The following ARB2A variants were observed in gnomAD, a reference collection of about 807,000 sequenced individuals.
The protein encoded by ARB2A is cotranscriptional regulator ARB2A.
the ARB2A span, among the ~76,000 whole-genome samples, chr5:93,729,260 G>T: frequency 6.6e-6 from 1 of 151,944 alleles, no homozygotes; most frequent in Non-Finnish European, 1.5e-5. Context: ...AACACTGGCC[G>T]CTTGGTGATG....
At chr5:94,060,458 C>G in the ARB2A span, among the ~76,000 whole-genome samples, 1 of 152,114 alleles carries the variant, frequency 6.6e-6, no homozygotes, top group African/African-American at 2.4e-5. Flanking sequence ...TACTAAAACT[C>G]ATCCTATATA....
the ARB2A span, among the ~76,000 whole-genome samples, chr5:93,698,843 T>A: frequency 6.6e-6 from 1 of 152,136 alleles, no homozygotes; most frequent in Non-Finnish European, 1.5e-5. Flanking sequence ...CAGTTTATTG[T>A]AGGTAGGAGA....
the ARB2A span, among the ~76,000 whole-genome samples, chr5:93,940,667 C>T: frequency 6.6e-6 from 1 of 152,068 alleles, no homozygotes; most frequent in East Asian, 1.9e-4. Flanking sequence ...CTATTATTTA[C>T]TCTTAAGTTC....
At chr5:93,664,630 C>CAAAA in the ARB2A span, among the ~76,000 whole-genome samples, 1 of 142,068 alleles carries the variant, frequency 7.0e-6, no homozygotes, top group African/African-American at 2.7e-5. Flanking sequence ...GACTTCGTCT[C>CAAAA]AAAAATATAT....
chr5:93,624,113 G>A, the ARB2A span, among the ~76,000 whole-genome samples: 3 of 152,220 alleles, frequency 2.0e-5, no homozygotes, highest in Admixed American at 6.5e-5. Flanking sequence ...GGGACATTAA[G>A]TGGGATGCTT....
At chr5:93,843,808 A>C in the ARB2A span, among the ~76,000 whole-genome samples, 1 of 152,176 alleles carries the variant, frequency 6.6e-6, no homozygotes, top group African/African-American at 2.4e-5. Context: ...AAAAGTAATA[A>C]ACCAGGTAAG....
the ARB2A span, among the ~76,000 whole-genome samples, chr5:94,011,551 A>C: frequency 6.6e-6 from 1 of 152,200 alleles, no homozygotes; most frequent in South Asian, 2.1e-4. Context: ...CAAAGGAAAG[A>C]AGCCTGGACT....
chr5:93,906,180 T>G, the ARB2A span, among the ~76,000 whole-genome samples: 1 of 151,526 alleles, frequency 6.6e-6, no homozygotes, highest in Non-Finnish European at 1.5e-5. Context: ...ATCAAAAACA[T>G]AGATTACAAA....
the ARB2A span, chr5:93,733,648 C>T: frequency 1.3e-5 from 2 of 152,104 alleles, no homozygotes; most frequent in African/African-American, 4.8e-5. Context: ...TATTTGTTTA[C>T]GTTATTTTGC....
At chr5:93,741,042 G>A in the ARB2A span, 12 of 1,613,802 alleles carry the variant, frequency 7.4e-6, no homozygotes, top group East Asian at 2.2e-5. Context: ...ACATGTTGGC[G>A]ACGCTTAGCT....
the ARB2A span, among the ~76,000 whole-genome samples, chr5:93,873,089 T>A: frequency 6.6e-6 from 1 of 151,846 alleles, no homozygotes; most frequent in African/African-American, 2.4e-5. Flanking sequence ...TCTTCATAGG[T>A]TCATGTAAAC....
chr5:93,681,698 A>G, the ARB2A span, among the ~76,000 whole-genome samples: 3 of 152,144 alleles, frequency 2.0e-5, no homozygotes, highest in Non-Finnish European at 4.4e-5. Flanking sequence ...GCTACATTGC[A>G]TAAGTTCACC....
chr5:93,958,602 G>A, the ARB2A span, among the ~76,000 whole-genome samples: 1 of 151,962 alleles, frequency 6.6e-6, no homozygotes, highest in Admixed American at 6.6e-5. Context: ...ATGCCACTTT[G>A]TGTTTCTTTG....
At chr5:93,807,821 GA>G in the ARB2A span, among the ~76,000 whole-genome samples, 11 of 151,372 alleles carry the variant, frequency 7.3e-5, no homozygotes, top group South Asian at 6.2e-4. Flanking sequence ...AAATTAGGGG[GA>G]AAAAAAAGCA....
At chr5:93,760,892 A>G in the ARB2A span, among the ~76,000 whole-genome samples, 1 of 152,340 alleles carries the variant, frequency 6.6e-6, no homozygotes, top group African/African-American at 2.4e-5. Flanking sequence ...AAAAACAAAG[A>G]TAGATACTGG....
the ARB2A span, among the ~76,000 whole-genome samples, chr5:94,085,721 G>T: frequency 2.6e-5 from 4 of 151,632 alleles, no homozygotes; most frequent in African/African-American, 9.7e-5. Flanking sequence ...ACAACAAATG[G>T]AAAAAAAACT....
chr5:93,700,502 G>GA, the ARB2A span, among the ~76,000 whole-genome samples: 6 of 148,170 alleles, frequency 4.0e-5, no homozygotes, highest in South Asian at 2.2e-4. Context: ...AAGGAATTTT[G>GA]AAAAAAAAAT....
chr5:93,819,170 A>G, the ARB2A span, among the ~76,000 whole-genome samples: 3 of 115,570 alleles, frequency 2.6e-5, no homozygotes, highest in Admixed American at 1.2e-4. Context: ...TGGGCGACAG[A>G]GCGAAACTCC....
At chr5:93,636,702 G>A in the ARB2A span, among the ~76,000 whole-genome samples, 1 of 152,222 alleles carries the variant, frequency 6.6e-6, no homozygotes, top group Non-Finnish European at 1.5e-5. Context: ...ACAGCAGTCT[G>A]TTATAGCACA....
Sources: allele counts gnomAD v4.1 joint callset (sites outside exome capture counted in the v4.1 genomes callset), GRCh38; gene constraint gnomAD v4.1.1; transcripts MANE v1.5; gene names NCBI Gene and HGNC (gene_info 2026-07-23, HGNC 2026-07-21).